CARNMT1: variants seen among roughly 807,000 people sequenced by gnomAD.
CARNMT1 encodes the protein carnosine N-methyltransferase 1, also known as protein-L-histidine N-pros-methyltransferase CARNMT1.
A neutral mutation model predicts 49.6 loss-of-function variants in CARNMT1; 28 were observed. The observed-to-expected ratio is 0.56, with a 90% CI of 0.42 to 0.77. The LOEUF (loss-of-function observed/expected upper bound fraction) is 0.77, where lower values mean the gene tolerates loss of function less well. CARNMT1 is among the 30% of genes least tolerant of loss of function. CARNMT1 has a pLI of 0.00. For missense variants in CARNMT1, 421 were observed against 512.6 expected, an observed-to-expected ratio of 0.82 and a Z score of 1.73; for synonymous variants, 178 against 175.0, an observed-to-expected ratio of 1.02 and a Z score of -0.13.
At chr9:75,002,364 A>T (rs537711417) in intron 3 of CARNMT1, among the ~76,000 whole-genome samples, 45 of 152,334 alleles carry the variant, frequency 3.0e-4, no homozygotes, top group Admixed American at 2.5e-3. Context: ...GTAGAAGTAA[A>T]TACAACTTTT....
intron 3 of CARNMT1, among the ~76,000 whole-genome samples, chr9:75,012,088 C>T: frequency 6.6e-6 from 1 of 152,124 alleles, no homozygotes; most frequent in East Asian, 1.9e-4. Context: ...TAAAGATACT[C>T]TCCTGCACAC....
In CARNMT1 at chr9:74,991,791, T is replaced by C. The variant is rs117925101; in HGVS notation, c.1024+4656A>G. The stretch of plus-strand genomic sequence containing the variant: ...ATTCGGGTAAGGTGGCTCTCACATG[T>C]GTTTTTCTTCGCAAAACTTACCTAT... On this transcript the variant is annotated intron_variant, in intron 6 of 7. Transcript: ENST00000376834. 2.0e-5 allele frequency: 3 copies of C among 152,300 alleles called. No individual in the cohort carries two copies. In the East Asian group the frequency reaches 5.8e-4, roughly 29 times the overall value. 9.4% of individuals were successfully genotyped at this position (152,300 alleles called of 1,614,324 possible). A position where few individuals can be genotyped will look rare whatever the true frequency, so the allele number is the denominator to read the frequency against.
chr9:75,006,382 A>T (rs1480135767), intron 3 of CARNMT1, among the ~76,000 whole-genome samples: 1 of 152,044 alleles, frequency 6.6e-6, no homozygotes, highest in Non-Finnish European at 1.5e-5. Context: ...CTAGGGTTTA[A>T]TTTATTCTGA....
chr9:75,003,262 G>A (rs1833413115), intron 3 of CARNMT1, among the ~76,000 whole-genome samples: 1 of 152,130 alleles, frequency 6.6e-6, no homozygotes, highest in Non-Finnish European at 1.5e-5. Flanking sequence ...CCCAGGCAAA[G>A]TTCCCTGAAC....
intron 1 of CARNMT1, among the ~76,000 whole-genome samples, chr9:75,017,964 A>G (rs1833899487): frequency 6.6e-6 from 1 of 152,218 alleles, no homozygotes; most frequent in South Asian, 2.1e-4. Flanking sequence ...ACTTAACAAT[A>G]CCCACAATTT....
chr9:75,004,264 T>C (rs1833442051), intron 3 of CARNMT1, among the ~76,000 whole-genome samples: 1 of 152,266 alleles, frequency 6.6e-6, no homozygotes, highest in Non-Finnish European at 1.5e-5. Flanking sequence ...ATATTTATGT[T>C]TCCTCACACC....
chr9:75,027,690 T>C (rs926991189), intron 1 of CARNMT1, among the ~76,000 whole-genome samples: 1 of 152,182 alleles, frequency 6.6e-6, no homozygotes, highest in East Asian at 1.9e-4. Context: ...CTATCTGAAA[T>C]TGTTACAGCG....
chr9:74,998,825 G>C lies in CARNMT1; in HGVS notation c.732-49C>G, dbSNP rs765109676. On this transcript the variant is annotated intron_variant, in intron 4 of 7. Coordinates refer to ENST00000376834, the MANE Select transcript of CARNMT1 (RefSeq NM_152420.3). ...AGGTGTTAACTAAATATTTTACCAA[G>C]AAAATCCACTTTAAATACTAAAAAT... 2.5e-6 allele frequency: 3 copies of C among 1,177,990 alleles called. No individual in the cohort carries two copies. The South Asian group carries it at 6.0e-5, about 23-fold the overall frequency. The allele number at this position is 1,177,990 out of a possible 1,614,324, so 73.0% of individuals were successfully genotyped here.
At chr9:74,985,723 G>A (rs1396292187) in intron 6 of CARNMT1, among the ~76,000 whole-genome samples, 1 of 152,098 alleles carries the variant, frequency 6.6e-6, no homozygotes, top group African/African-American at 2.4e-5. Context: ...GAGATTACAG[G>A]AACCTGTCGC....
intron 1 of CARNMT1, chr9:75,026,987 A>C (rs1822547282): frequency 1.2e-6 from 1 of 844,512 alleles, no homozygotes; most frequent in Non-Finnish European, 1.7e-6. Context: ...ATAATACATA[A>C]GATGAACAAT....
rs1833684014 is a variant in CARNMT1 at position 75,011,304 on chromosome 9, G to A, written c.590+4964C>T. Among the ~76,000 whole-genome samples the A allele has an allele frequency of 1.3e-5, 2 of 152,116 alleles. 1 individual carries two copies. The highest frequency in any genetic ancestry group is 4.1e-4 in the South Asian group (2 of 4,826). ...GTGCTCCCACGCTCCCTACCTCCTG[G>A]TCCCCATGTCTTGTTTCTACCCAAC... On this transcript the variant is annotated intron_variant, in intron 3 of 7. Coordinates refer to ENST00000376834, the MANE Select transcript of CARNMT1 (RefSeq NM_152420.3).
intron 4 of CARNMT1, 142 bp downstream of exon 4, chr9:74,999,588 A>C (rs991571910): frequency 5.8e-6 from 4 of 689,676 alleles, no homozygotes; most frequent in South Asian, 5.5e-5. Flanking sequence ...AAGTACTTTG[A>C]TTTTAACATA....
At chr9:75,000,757 C>T (rs931579435) in intron 3 of CARNMT1, among the ~76,000 whole-genome samples, 6 of 152,116 alleles carry the variant, frequency 3.9e-5, no homozygotes, top group Admixed American at 1.3e-4. Flanking sequence ...ATCCAATTTC[C>T]AAATCTACTC....
chr9:75,026,946 A>G, intron 1 of CARNMT1: 1 of 525,576 alleles, frequency 1.9e-6, no homozygotes, highest in South Asian at 1.8e-5. Context: ...TGAGGAGGTC[A>G]CAGCAAAGCA....
intron 3 of CARNMT1, among the ~76,000 whole-genome samples, chr9:75,009,024 G>T (rs796734974): frequency 1.3e-4 from 19 of 149,188 alleles, no homozygotes; most frequent in African/African-American, 4.7e-4. Flanking sequence ...AATTTTCAAC[G>T]AGTCTACCAA....
rs74882826 is a variant in CARNMT1 at position 75,008,999 on chromosome 9, C to T, written c.590+7269G>A. Among the ~76,000 whole-genome samples, 142 of 150,688 alleles carry T rather than the reference C, an allele frequency of 9.4e-4. 1 individual carries two copies. Among genetic ancestry groups the T allele is most frequent in the African/African-American group, 3.2e-3 (130 of 41,122 alleles). On this transcript the variant is annotated intron_variant, in intron 3 of 7. Transcript: ENST00000376834. ...GAATATAGAGTCCAGAAAAAACCCA[C>T]ATACATGGTCCACTAATTTTCAACG... is the stretch of plus-strand genomic sequence containing the variant.
At chr9:75,025,402 C>T (rs1188747283) in intron 1 of CARNMT1, among the ~76,000 whole-genome samples, 2 of 152,170 alleles carry the variant, frequency 1.3e-5, no homozygotes, top group African/African-American at 2.4e-5. Context: ...ACAGTATCTA[C>T]TACAGATAAT....
intron 1 of CARNMT1, among the ~76,000 whole-genome samples, chr9:75,022,526 GAGTT>G (rs1433688819): frequency 1.3e-5 from 2 of 152,094 alleles, no homozygotes; most frequent in African/African-American, 4.8e-5. Flanking sequence ...ACCTGGCCAG[GAGTT>G]AGTATTTTTA....
intron 6 of CARNMT1, among the ~76,000 whole-genome samples, chr9:74,995,455 A>T (rs991045316): frequency 6.6e-5 from 10 of 152,150 alleles, no homozygotes; most frequent in Non-Finnish European, 2.9e-5. Context: ...TCCCAAGGTA[A>T]CTACTTTTAA....
Sources: allele counts gnomAD v4.1 joint callset (sites outside exome capture counted in the v4.1 genomes callset), GRCh38; gene constraint gnomAD v4.1.1; transcripts MANE v1.5; gene names NCBI Gene and HGNC (gene_info 2026-07-23, HGNC 2026-07-21).